Variants in CDKAL1 observed in about 807,000 individuals in gnomAD.
CDKAL1 encodes threonylcarbamoyladenosine tRNA methylthiotransferase.
A neutral mutation model predicts 68.2 loss-of-function variants in CDKAL1; 32 were observed. The ratio of observed to expected loss-of-function variants is 0.47; its 90% CI spans 0.35 to 0.63. CDKAL1 has a LOEUF of 0.63. Ranked by LOEUF, CDKAL1 falls within the 30% of genes least tolerant of loss-of-function variation. CDKAL1 has a pLI of 0.00. For synonymous variants in CDKAL1, 234 were observed against 244.3 expected, an observed-to-expected ratio of 0.96 and a Z score of 0.39; for missense variants, 606 against 696.7, an observed-to-expected ratio of 0.87 and a Z score of 1.47.
Position 20,584,164 on chromosome 6 carries a change from A to T in CDKAL1, c.286+35459A>T, listed in dbSNP as rs746871839. 9.6e-4 allele frequency among the ~76,000 whole-genome samples: 145 copies of T among 151,564 alleles called. 1 individual carries two copies. Among genetic ancestry groups the T allele is most frequent in the Non-Finnish European group, 5.3e-4 (36 of 67,980 alleles). ...TTACATTTTATATGTTTAGTTCCTAATCTCATTCTTATTTTAATACCTGTT... is the reference window on the plus strand; with the variant it reads ...TTACATTTTATATGTTTAGTTCCTATTCTCATTCTTATTTTAATACCTGTT... On this transcript the variant is annotated intron_variant, in intron 4 of 15. Transcript: ENST00000274695.
At chr6:20,973,656 G>A (rs1483625807) in intron 10 of CDKAL1, among the ~76,000 whole-genome samples, 1 of 152,166 alleles carries the variant, frequency 6.6e-6, no homozygotes, top group Non-Finnish European at 1.5e-5. Context: ...CCAGGCTGGG[G>A]TGCAGTGGTG....
At chr6:21,060,860 G>A (rs916902978) in intron 11 of CDKAL1, among the ~76,000 whole-genome samples, 4 of 151,976 alleles carry the variant, frequency 2.6e-5, no homozygotes, top group African/African-American at 9.7e-5. Context: ...GGTAGGTCTA[G>A]TCCTTTGCTG....
At chr6:20,597,184 A>G (rs1356611721) in intron 4 of CDKAL1, among the ~76,000 whole-genome samples, 2 of 152,018 alleles carry the variant, frequency 1.3e-5, no homozygotes, top group Non-Finnish European at 2.9e-5. Context: ...GCTGGAGTGC[A>G]GTGGTGTGAT....
At chr6:20,943,966 A>G (rs917141410) in intron 9 of CDKAL1, among the ~76,000 whole-genome samples, 3 of 152,238 alleles carry the variant, frequency 2.0e-5, no homozygotes, top group Non-Finnish European at 4.4e-5. Flanking sequence ...AGCCCACATC[A>G]GTACTCAGCC....
chr6:20,961,003 G>C (rs954822725), intron 10 of CDKAL1, among the ~76,000 whole-genome samples: 6 of 152,192 alleles, frequency 3.9e-5, no homozygotes, highest in Non-Finnish European at 5.9e-5. Flanking sequence ...CTCCACTAGA[G>C]AGGATACATT....
chr6:20,800,911 A>G (rs1424423074), intron 8 of CDKAL1, among the ~76,000 whole-genome samples: 1 of 150,394 alleles, frequency 6.6e-6, no homozygotes, highest in Non-Finnish European at 1.5e-5. Flanking sequence ...ACCACACCCA[A>G]CCAACTCTTT....
chr6:21,202,159 A>G lies in CDKAL1; in HGVS notation c.1548+885A>G, dbSNP rs542251674. Among the ~76,000 whole-genome samples the G allele has an allele frequency of 2.6e-5, 4 of 152,324 alleles. No individual in the cohort carries two copies. In the South Asian group the frequency reaches 8.3e-4, roughly 32 times the overall value. ...CTTCACTCTGGCAATAGCAACAAAG[A>G]CAATACTATTGTCTGTGTTCTCACT... On this transcript the variant is annotated intron_variant, in intron 15 of 15. Coordinates refer to ENST00000274695, the MANE Select transcript of CDKAL1 (RefSeq NM_017774.3).
chr6:20,938,369 G>A (rs1434660963), intron 9 of CDKAL1, among the ~76,000 whole-genome samples: 1 of 152,018 alleles, frequency 6.6e-6, no homozygotes, highest in Non-Finnish European at 1.5e-5. Context: ...CTTTATGTTG[G>A]GAGAACAGAG....
At chr6:20,781,299 C>A in intron 8 of CDKAL1, 34 bp downstream of exon 8, 1 of 1,537,770 alleles carries the variant, frequency 6.5e-7, no homozygotes, top group Non-Finnish European at 8.8e-7. Context: ...ATAAAATATT[C>A]AATATATTTC....
At chr6:20,778,105 G>A (rs1329872445) in intron 7 of CDKAL1, among the ~76,000 whole-genome samples, 1 of 152,108 alleles carries the variant, frequency 6.6e-6, no homozygotes, top group Non-Finnish European at 1.5e-5. Context: ...TAAAAAAAGA[G>A]CTTAGGCCTT....
intron 8 of CDKAL1, among the ~76,000 whole-genome samples, chr6:20,816,777 T>C (rs2150433582): frequency 6.6e-6 from 1 of 152,290 alleles, no homozygotes; most frequent in South Asian, 2.1e-4. Flanking sequence ...CTGGTCCTTA[T>C]ATAAGCTAGA....
At chr6:20,679,511 C>T (rs955301355) in intron 5 of CDKAL1, among the ~76,000 whole-genome samples, 9 of 152,132 alleles carry the variant, frequency 5.9e-5, no homozygotes, top group African/African-American at 2.2e-4. Flanking sequence ...AGCTCATTAT[C>T]AGTCCTTTTG....
chr6:20,842,422 G>GT (rs1778210279), intron 8 of CDKAL1, among the ~76,000 whole-genome samples: 1 of 151,988 alleles, frequency 6.6e-6, no homozygotes, highest in Non-Finnish European at 1.5e-5. Context: ...CATACAAGCA[G>GT]TCAAAAAAAT....
At chr6:20,589,599 G>C (rs113256575) in intron 4 of CDKAL1, among the ~76,000 whole-genome samples, 1 of 152,128 alleles carries the variant, frequency 6.6e-6, no homozygotes, top group Admixed American at 6.5e-5. Flanking sequence ...GATTCATTAC[G>C]TGCCTTTCAG....
chr6:20,779,738 C>G lies in CDKAL1; in HGVS notation c.518-1407C>G, dbSNP rs571379370. 1.2e-4 allele frequency among the ~76,000 whole-genome samples: 19 copies of G among 152,258 alleles called. 1 individual carries two copies. The South Asian group carries it at 3.7e-3, about 30-fold the overall frequency. ...TAGTTGGGTTTACAGGTGCACACCA[C>G]CACACCCAGCTAATTTTTGTATTTT... On this transcript the variant is annotated intron_variant, in intron 7 of 15. Coordinates refer to ENST00000274695, the MANE Select transcript of CDKAL1 (RefSeq NM_017774.3).
intron 13 of CDKAL1, among the ~76,000 whole-genome samples, chr6:21,116,766 G>A (rs1158981377): frequency 1.3e-5 from 2 of 152,090 alleles, no homozygotes; most frequent in Non-Finnish European, 2.9e-5. Flanking sequence ...CAGTATAAAA[G>A]TATTAATAAA....
intron 4 of CDKAL1, among the ~76,000 whole-genome samples, chr6:20,568,560 C>T (rs1320035780): frequency 6.6e-6 from 1 of 151,674 alleles, no homozygotes; most frequent in Non-Finnish European, 1.5e-5. Context: ...GGTAAAACCC[C>T]GTCTCTACTA....
At chr6:21,072,880 T>G (rs1455630181) in intron 12 of CDKAL1, among the ~76,000 whole-genome samples, 1 of 152,098 alleles carries the variant, frequency 6.6e-6, no homozygotes, top group Non-Finnish European at 1.5e-5. Flanking sequence ...TGATCCTAGG[T>G]GGTATACATT....
intron 10 of CDKAL1, among the ~76,000 whole-genome samples, chr6:20,964,048 A>G (rs1216640441): frequency 6.6e-6 from 1 of 152,176 alleles, no homozygotes. Context: ...CAACCATCAT[A>G]TGAAAAAAAA....
Sources: allele counts gnomAD v4.1 joint callset (sites outside exome capture counted in the v4.1 genomes callset), GRCh38; gene constraint gnomAD v4.1.1; transcripts MANE v1.5; gene names NCBI Gene and HGNC (gene_info 2026-07-23, HGNC 2026-07-21).